Variants in UPF1 observed in about 807,000 individuals in gnomAD.
UPF1 encodes the protein regulator of nonsense transcripts 1.
In UPF1, 9 loss-of-function variants were observed where a neutral mutation model predicts 129.2. The observed-to-expected ratio is 0.07, with a 90% CI of 0.04 to 0.12. The LOEUF (loss-of-function observed/expected upper bound fraction) is 0.12, where lower values mean the gene tolerates loss of function less well. Among genes scored for constraint, UPF1 ranks in the 10% least tolerant of loss-of-function variants. UPF1 has a pLI of 1.00. For missense variants in UPF1, 788 were observed against 1,525.3 expected (o/e 0.52, Z 8.05); for synonymous variants, 649 against 644.9 (o/e 1.01, Z -0.10).
intron 11 of UPF1, 69 bp from the exon 12 acceptor site, chr19:18,855,856 G>C: frequency 6.4e-7 from 1 of 1,566,152 alleles, no homozygotes; most frequent in Non-Finnish European, 8.6e-7. Context: ...TCAAAAAACA[G>C]AGTCTTGGCT....
In UPF1 at chr19:18,850,544, A is replaced by T; in HGVS notation, c.630-144A>T. On this transcript the variant is annotated intron_variant, in intron 4 of 23. Coordinates refer to ENST00000262803, the MANE Select transcript of UPF1 (RefSeq NM_002911.4). This position sits in a 1 kb window ranked among gnomAD's most constrained non-coding sequence, Gnocchi z 7.1. ...AGTGCACAGGGAGATGCGATTTATT[A>T]CTAACAGTTTGAAGGTAATGTGATC... 1 of 940,416 alleles carries T rather than the reference A, an allele frequency of 1.1e-6. No individual in the cohort carries two copies. The allele number at this position is 940,416 out of a possible 1,614,324, so 58.3% of individuals were successfully genotyped here.
intron 2 of UPF1, 124 bp downstream of exon 2, chr19:18,846,243 T>C (rs2055597244): frequency 1.4e-6 from 2 of 1,400,652 alleles, no homozygotes; most frequent in Non-Finnish European, 1.9e-6. Flanking sequence ...GGTGGCGGTG[T>C]CCTCGGGAGT....
chr19:18,863,884 C>T lies in UPF1; in HGVS notation c.2775+272C>T, dbSNP rs1307692465. Among the ~76,000 whole-genome samples, 8 of 152,228 alleles carry T rather than the reference C, an allele frequency of 5.3e-5. No homozygotes were observed. In the South Asian group the frequency reaches 1.0e-3, roughly 20 times the overall value. On this transcript the variant is annotated intron_variant, in intron 19 of 23. Transcript: ENST00000262803. ...ATGCAGCAGCCTGGGACCTTGGACA[C>T]GGGCAGTTGGAAGCTTTGCAAGCCC... is the stretch of plus-strand genomic sequence containing the variant.
At chr19:18,841,139 G>A (rs1031505365) in intron 1 of UPF1, among the ~76,000 whole-genome samples, 3 of 152,258 alleles carry the variant, frequency 2.0e-5, no homozygotes, top group African/African-American at 7.2e-5. Flanking sequence ...TGCATCCTCC[G>A]TGTAGAAACG....
At chr19:18,854,395 A>G (rs1284024182) in intron 8 of UPF1, among the ~76,000 whole-genome samples, 1 of 152,224 alleles carries the variant, frequency 6.6e-6, no homozygotes, top group Non-Finnish European at 1.5e-5. Context: ...ACACCGGCTC[A>G]TGGTGAGGTA....
intron 2 of UPF1, 128 bp downstream of exon 2, chr19:18,846,247 C>G: frequency 7.2e-7 from 1 of 1,387,086 alleles, no homozygotes; most frequent in Non-Finnish European, 9.7e-7. Flanking sequence ...GCGGTGTCCT[C>G]GGGAGTAAGG....
intron 6 of UPF1, among the ~76,000 whole-genome samples, chr19:18,852,662 C>T (rs2055673107): frequency 7.4e-6 from 1 of 134,508 alleles, no homozygotes; most frequent in Non-Finnish European, 1.6e-5. Context: ...TCTTTCTGTC[C>T]CTCCCTCCCC....
chr19:18,866,189 T>A (rs981020842), intron 23 of UPF1, 23 bp downstream of exon 23: 2 of 1,557,326 alleles, frequency 1.3e-6, no homozygotes, highest in Non-Finnish European at 1.7e-6. Flanking sequence ...GGAGCAGGCC[T>A]GGCCCCACCC....
chr19:18,861,058 C>CA (rs1240278943), intron 17 of UPF1, 76 bp downstream of exon 17: 4 of 1,478,736 alleles, frequency 2.7e-6, no homozygotes, highest in Non-Finnish European at 3.6e-6. Context: ...AAGTTACCCC[C>CA]CAAGAGGGGC....
chr19:18,860,131 A>C, intron 15 of UPF1, 190 bp from the exon 16 acceptor site: 2 of 572,868 alleles, frequency 3.5e-6, no homozygotes, highest in Non-Finnish European at 6.2e-6. Flanking sequence ...GCCTCTCCTC[A>C]GCCTTGCCCA....
chr19:18,861,121 C>T lies in UPF1; in HGVS notation c.2457+139C>T, dbSNP rs1568282097. 7 of 1,166,650 alleles carry T rather than the reference C, an allele frequency of 6.0e-6. No homozygotes were observed. In the East Asian group the frequency reaches 1.3e-4, roughly 22 times the overall value. The allele number at this position is 1,166,650 out of a possible 1,614,324, so 72.3% of individuals were successfully genotyped here. On this transcript the variant is annotated intron_variant, in intron 17 of 23. Transcript: ENST00000262803. ...CAGGAAGCACCAGCTGGCCCACCCT[C>T]TGGGGAGGGCACAGACAGCACATCC... is the stretch of plus-strand genomic sequence containing the variant.
In UPF1 at chr19:18,851,396, A is replaced by G. The variant is rs971534205; in HGVS notation, c.810+528A>G. 1.3e-5 allele frequency among the ~76,000 whole-genome samples: 2 copies of G among 152,350 alleles called. No individual in the cohort carries two copies. Among genetic ancestry groups the G allele is most frequent in the Admixed American group, 6.5e-5 (1 of 15,310 alleles). ...CCAGCTGTTTAGGATTTTGTGATAA[A>G]GTAGTTCTAATAACTAGGCTAGAAG... On this transcript the variant is annotated intron_variant, in intron 5 of 23. Coordinates refer to ENST00000262803, the MANE Select transcript of UPF1 (RefSeq NM_002911.4). This position sits in a 1 kb window ranked among gnomAD's most constrained non-coding sequence, Gnocchi z 4.2.
At chr19:18,834,046 G>A (rs1242414934) in intron 1 of UPF1, among the ~76,000 whole-genome samples, 1 of 152,204 alleles carries the variant, frequency 6.6e-6, no homozygotes, top group Non-Finnish European at 1.5e-5. Flanking sequence ...TCCTGAAGAA[G>A]GGAGTCTGAG....
At chr19:18,856,730 G>A in intron 13 of UPF1, 147 bp from the exon 14 acceptor site, 1 of 1,204,878 alleles carries the variant, frequency 8.3e-7, no homozygotes, top group South Asian at 1.6e-5. Flanking sequence ...CCTGGACCAT[G>A]TATCTTGTCT....
At chr19:18,852,860 C>T (rs1182587520) in intron 6 of UPF1, 127 bp from the exon 7 acceptor site, 2 of 753,270 alleles carry the variant, frequency 2.7e-6, no homozygotes, top group Non-Finnish European at 2.2e-6. Flanking sequence ...GCAGGTGCCA[C>T]TCACGGCGCC....
Position 18,856,316 on chromosome 19 carries a change from G to A in UPF1, c.1824+16G>A, listed in dbSNP as rs934886002. ...GCTGCTGATGGTGAGTGCCCCTCCT[G>A]CCTGCAAAAGGGCCTGTGGGCTGGC... On this transcript the variant is annotated intron_variant, in intron 13 of 23. Coordinates refer to ENST00000262803, the MANE Select transcript of UPF1 (RefSeq NM_002911.4). 42 of 1,582,218 alleles carry A rather than the reference G, an allele frequency of 2.7e-5. No homozygotes were observed. The highest frequency in any genetic ancestry group is 3.5e-5 in the Non-Finnish European group (40 of 1,156,020).
rs374895538 is a variant in UPF1 at position 18,865,786 on chromosome 19, C to T, written c.3237+8C>T. On this transcript the variant is annotated splice_region_variant and intron_variant, in intron 22 of 23. Transcript: ENST00000262803. The surrounding 1 kb of genome is among the most constrained non-coding windows in gnomAD (Gnocchi z 6.1). ...CAGCCGGAGCTGTCCCAGGTGAGCC[C>T]GCCCCTGGGACGGGACTTACCTGAG... 1.6e-5 allele frequency: 25 copies of T among 1,612,318 alleles called. No individual in the cohort carries two copies. The highest frequency in any genetic ancestry group is 1.2e-4 in the Admixed American group (7 of 60,002).
In UPF1 at chr19:18,854,888, C is replaced by T. The variant is rs1297146212; in HGVS notation, c.1275C>T (p.Ser425=). 1.6e-5 allele frequency: 26 copies of T among 1,614,030 alleles called. No homozygotes were observed. Among genetic ancestry groups the T allele is most frequent in the East Asian group, 4.5e-5 (2 of 44,884 alleles). Residue 425 remains serine, a synonymous_variant, in exon 10 of 24, where the codon AGC becomes AGT. Coordinates refer to ENST00000262803, the MANE Select transcript of UPF1 (RefSeq NM_002911.4). The part of the protein sequence containing the change: ...WKSTSFDRMQ[S]ALKTFAVDET... ...CAAACCCTCCTCACAGGATGCAGAG[C>T]GCATTGAAAACGTTTGCCGTGGATG...
Position 18,866,939 on chromosome 19 carries a change from ACAG to A in UPF1, c.*427_*429del, listed in dbSNP as rs1314094340. 16 of 152,610 alleles carry A rather than the reference ACAG, an allele frequency of 1.0e-4. No individual in the cohort carries two copies. The highest frequency in any genetic ancestry group is 3.9e-4 in the African/African-American group (16 of 41,474). 9.5% of individuals were successfully genotyped at this position (152,610 alleles called of 1,614,324 possible). The stretch of plus-strand genomic sequence containing the variant: ...GTGCCCGAGCAGGCTCCTTGCAAAG[ACAG>A]CAGCGTGCGGGGCAGAGCCCCGGGA... On this transcript the variant is annotated 3_prime_UTR_variant, in exon 24 of 24. Coordinates refer to ENST00000262803, the MANE Select transcript of UPF1 (RefSeq NM_002911.4).
Sources: allele counts gnomAD v4.1 joint callset (sites outside exome capture counted in the v4.1 genomes callset), GRCh38; gene constraint gnomAD v4.1.1; non-coding constraint Gnocchi (gnomAD v3.1); transcripts MANE v1.5; gene names NCBI Gene and HGNC (gene_info 2026-07-23, HGNC 2026-07-21).